The following SGCZ variants were observed in gnomAD, a reference collection of about 807,000 sequenced individuals.
The protein encoded by SGCZ is sarcoglycan zeta.
A neutral mutation model predicts 41.3 loss-of-function variants in SGCZ; 40 were observed. That is an observed-to-expected ratio of 0.97 (90% CI 0.75 to 1.26). The LOEUF is 1.26. Ranked by LOEUF, SGCZ falls within the 50% of genes most tolerant of loss-of-function variation. The pLI is 0.00. For synonymous variants in SGCZ, 206 were observed against 137.5 expected, an observed-to-expected ratio of 1.50 and a Z score of -3.49; for missense variants, 552 against 369.8, an observed-to-expected ratio of 1.49 and a Z score of -4.04.
chr8:15,116,918 C>T (rs57080216), intron 1 of SGCZ, among the ~76,000 whole-genome samples: 22,679 of 152,174 alleles, frequency 0.15, 2,073 homozygotes, highest in Non-Finnish European at 0.21. Flanking sequence ...GGGATATAAA[C>T]TGTATAACTT....
chr8:14,601,040 T>A (rs956836241), intron 1 of SGCZ, among the ~76,000 whole-genome samples: 8 of 150,054 alleles, frequency 5.3e-5, no homozygotes, highest in Non-Finnish European at 1.0e-4. Context: ...TAATATATTT[T>A]ATACATTTTA....
intron 1 of SGCZ, among the ~76,000 whole-genome samples, chr8:14,646,741 C>T (rs1301003797): frequency 1.3e-5 from 2 of 151,840 alleles, no homozygotes; most frequent in South Asian, 2.1e-4. Flanking sequence ...AATGACATTA[C>T]TTATTAAAAA....
chr8:14,740,204 G>C (rs1799159096), intron 1 of SGCZ, among the ~76,000 whole-genome samples: 1 of 151,944 alleles, frequency 6.6e-6, no homozygotes, highest in Non-Finnish European at 1.5e-5. Context: ...AAAGATAAAA[G>C]TTTATTCCAA....
At chr8:14,836,835 A>G (rs899733103) in intron 1 of SGCZ, among the ~76,000 whole-genome samples, 1 of 152,160 alleles carries the variant, frequency 6.6e-6, no homozygotes, top group African/African-American at 2.4e-5. Flanking sequence ...AAATCAAATT[A>G]TGTCACTTCC....
At chr8:14,172,636 A>T (rs1804421562) in intron 4 of SGCZ, among the ~76,000 whole-genome samples, 1 of 152,174 alleles carries the variant, frequency 6.6e-6, no homozygotes, top group South Asian at 2.1e-4. Context: ...TCTGAGGCAA[A>T]GAAATACAAC....
At chr8:14,645,124 A>G (rs1210699885) in intron 1 of SGCZ, among the ~76,000 whole-genome samples, 2 of 151,628 alleles carry the variant, frequency 1.3e-5, no homozygotes, top group Non-Finnish European at 1.5e-5. Context: ...TTGATCTATC[A>G]TTTAGTTCCT....
intron 1 of SGCZ, among the ~76,000 whole-genome samples, chr8:14,661,875 T>G (rs2117484959): frequency 6.6e-6 from 1 of 152,240 alleles, no homozygotes; most frequent in South Asian, 2.1e-4. Flanking sequence ...ATAATTTATC[T>G]TTGGCTTGTC....
At chr8:14,797,416 G>A (rs558297457) in intron 1 of SGCZ, among the ~76,000 whole-genome samples, 1 of 152,148 alleles carries the variant, frequency 6.6e-6, no homozygotes, top group Non-Finnish European at 1.5e-5. Flanking sequence ...AAAGAGACTG[G>A]AGGCATTTTG....
Position 14,594,816 on chromosome 8 carries a change from G to T in SGCZ, c.40-39890C>A, listed in dbSNP as rs183127635. ...TTCCTGATTAAAGAGACTATGCAAT[G>T]TTATGACGTAAGACGTTTTCCTTAA... On this transcript the variant is annotated intron_variant, in intron 1 of 7. Coordinates refer to ENST00000382080, the MANE Select transcript of SGCZ (RefSeq NM_139167.4). 1.0e-3 allele frequency among the ~76,000 whole-genome samples: 157 copies of T among 151,862 alleles called. 3 individuals are homozygous for T. Among genetic ancestry groups the T allele is most frequent in the Middle Eastern group, 3.4e-3 (1 of 294 alleles).
At chr8:14,653,305 T>G (rs1209517376) in intron 1 of SGCZ, among the ~76,000 whole-genome samples, 1 of 152,080 alleles carries the variant, frequency 6.6e-6, no homozygotes, top group Non-Finnish European at 1.5e-5. Flanking sequence ...TTCCTACCAT[T>G]GAGAAACACA....
chr8:15,145,241 T>A (rs1398647568), intron 1 of SGCZ, among the ~76,000 whole-genome samples: 1 of 152,206 alleles, frequency 6.6e-6, no homozygotes, highest in Admixed American at 6.5e-5. Flanking sequence ...GCTGATCAAC[T>A]GTTAAATTAG....
At chr8:15,227,584 T>C (rs1045005989) in intron 1 of SGCZ, among the ~76,000 whole-genome samples, 15 of 152,240 alleles carry the variant, frequency 9.9e-5, no homozygotes, top group African/African-American at 3.1e-4. Flanking sequence ...TTTGGAGTCA[T>C]TCTTTCTCTT....
chr8:14,823,134 G>T (rs1802171763), intron 1 of SGCZ, among the ~76,000 whole-genome samples: 1 of 147,090 alleles, frequency 6.8e-6, no homozygotes, highest in Non-Finnish European at 1.5e-5. Context: ...AGAAATAAAA[G>T]GAAAACAGTG....
intron 1 of SGCZ, among the ~76,000 whole-genome samples, chr8:15,001,565 TAAAAATGCA>T (rs895075637): frequency 6.6e-6 from 1 of 151,732 alleles, no homozygotes; most frequent in African/African-American, 2.4e-5. Context: ...CCATCTCTAC[TAAAAATGCA>T]AAAAATAAGC....
chr8:14,380,223 G>A (rs1166580136), intron 2 of SGCZ, among the ~76,000 whole-genome samples: 1 of 152,084 alleles, frequency 6.6e-6, no homozygotes, highest in Non-Finnish European at 1.5e-5. Flanking sequence ...TATTTTTTCA[G>A]TCTATAGGTT....
intron 1 of SGCZ, among the ~76,000 whole-genome samples, chr8:14,997,397 T>C (rs936287871): frequency 9.2e-5 from 14 of 152,222 alleles, no homozygotes; most frequent in Non-Finnish European, 2.9e-5. Flanking sequence ...ATCATATTAA[T>C]GCAGTAAAGA....
chr8:14,323,892 TAG>T (rs1348869015), intron 3 of SGCZ, among the ~76,000 whole-genome samples: 2 of 152,094 alleles, frequency 1.3e-5, no homozygotes, highest in Non-Finnish European at 2.9e-5. Flanking sequence ...CACTGCAGGT[TAG>T]TTCAAAATGG....
At chr8:14,166,694 C>T (rs1804221796) in intron 4 of SGCZ, among the ~76,000 whole-genome samples, 1 of 151,958 alleles carries the variant, frequency 6.6e-6, no homozygotes, top group African/African-American at 2.4e-5. Flanking sequence ...CACATAATAC[C>T]AAGACTTTTC....
At chr8:14,987,101 G>C (rs2130888151) in intron 1 of SGCZ, among the ~76,000 whole-genome samples, 1 of 151,850 alleles carries the variant, frequency 6.6e-6, no homozygotes, top group South Asian at 2.1e-4. Context: ...GTATAGCAAA[G>C]AAGAAACATT....
Sources: gnomAD v4.1 joint callset for allele counts (sites outside exome capture counted in the v4.1 genomes callset) on GRCh38, gnomAD v4.1.1 for gene constraint, MANE v1.5 for transcripts, NCBI Gene and HGNC (gene_info 2026-07-23, HGNC 2026-07-21) for gene names.